TEX11: variants seen among roughly 807,000 people sequenced by gnomAD.
The protein encoded by TEX11 is testis expressed 11, also known as testis-expressed protein 11.
TEX11 carries 7 observed loss-of-function variants against 84.4 expected under a neutral mutation model. The ratio of observed to expected loss-of-function variants is 0.08; its 90% CI spans 0.05 to 0.16. The LOEUF is 0.16. Ranked by LOEUF, TEX11 falls within the 10% of genes least tolerant of loss-of-function variation. The probability of loss-of-function intolerance (pLI) is 1.00; values close to 1 mark genes in which losing one functional copy is unlikely to be tolerated. For synonymous variants in TEX11, 264 were observed against 222.8 expected, an observed-to-expected ratio of 1.18 and a Z score of -1.64; for missense variants, 551 against 660.5, an observed-to-expected ratio of 0.83 and a Z score of 1.82.
intron 11 of TEX11, among the ~76,000 whole-genome samples, chrX:70,726,685 C>A (rs1252162253): frequency 9.1e-6 from 1 of 110,204 alleles, no homozygotes; most frequent in Non-Finnish European, 1.9e-5. Flanking sequence ...TACACTCTAC[C>A]ACATCTGGCT....
chrX:70,694,154 C>A (rs891193490), intron 13 of TEX11, among the ~76,000 whole-genome samples: 18 of 111,022 alleles, frequency 1.6e-4, no homozygotes, highest in African/African-American at 5.6e-4. Flanking sequence ...AAGTGATTCT[C>A]CTGCCTCAGC....
chrX:70,908,478 C>T (rs980533566), intron 1 of TEX11, among the ~76,000 whole-genome samples, 176 bp downstream of exon 1: 1 of 112,511 alleles, frequency 8.9e-6, no homozygotes, highest in Non-Finnish European at 1.9e-5. Context: ...TTACATTTGC[C>T]CATCTTCGTT....
At chrX:70,841,039 T>G (rs1156575060) in intron 7 of TEX11, among the ~76,000 whole-genome samples, 1 of 111,103 alleles carries the variant, frequency 9.0e-6, no homozygotes, top group Admixed American at 9.6e-5. Flanking sequence ...TGGGAGACTT[T>G]AACACCCCAC....
At chrX:70,719,709 G>A (rs1196287255) in intron 13 of TEX11, among the ~76,000 whole-genome samples, 1 of 112,104 alleles carries the variant, frequency 8.9e-6, no homozygotes, top group African/African-American at 3.2e-5. Flanking sequence ...AGTGGGCAAA[G>A]GATATGAACA....
intron 20 of TEX11, among the ~76,000 whole-genome samples, chrX:70,616,927 G>T (rs191785693): frequency 3.6e-5 from 4 of 111,338 alleles, no homozygotes; most frequent in African/African-American, 1.3e-4. Flanking sequence ...TGGGTACAAA[G>T]AAATAGTTAG....
intron 28 of TEX11, among the ~76,000 whole-genome samples, chrX:70,548,623 G>A (rs1482335994): frequency 9.0e-6 from 1 of 110,656 alleles, no homozygotes; most frequent in South Asian, 4.0e-4. Context: ...CAGTGATTGT[G>A]GGATCTTGCT....
chrX:70,632,222 G>A (rs1188541772), intron 17 of TEX11, among the ~76,000 whole-genome samples: 2 of 110,848 alleles, frequency 1.8e-5, no homozygotes, highest in Non-Finnish European at 3.8e-5. Context: ...AGATAGACCA[G>A]AATAAAGGTC....
chrX:70,552,257 A>G lies in TEX11; in HGVS notation c.2400-11T>C. 1 of 1,202,256 alleles carries G rather than the reference A, an allele frequency of 8.3e-7. No individual in the cohort carries two copies. The highest frequency in any genetic ancestry group is 1.1e-6 in the Non-Finnish European group (1 of 892,685). ...TTGTGCATACATTTGCTGAAAATCA[A>G]AAAGAGAAAACTCATCCCATAAGGA... On this transcript the variant is annotated splice_polypyrimidine_tract_variant and intron_variant, in intron 27 of 29. Transcript: ENST00000374333.
rs753607851 is a variant in TEX11 at position 70,794,942 on chromosome X, A to C, written c.692+11763T>G. Among the ~76,000 whole-genome samples the C allele has an allele frequency of 4.7e-5, 5 of 107,285 alleles. No homozygotes were observed. The South Asian group carries it at 1.7e-3, about 37-fold the overall frequency. 93.2% of individuals were successfully genotyped at this position (107,285 alleles called of 115,157 possible). A position where few individuals can be genotyped will look rare whatever the true frequency, so the allele number is the denominator to read the frequency against. ...TGGGGAGAGTCTCCTTCTGCTTGAC[A>C]AAAAAAAGGGGAAGATGAAAGGGGA... On this transcript the variant is annotated intron_variant, in intron 9 of 29. Transcript: ENST00000374333.
chrX:70,520,842 G>T, the TEX11 span, among the ~76,000 whole-genome samples: 1 of 111,697 alleles, frequency 9.0e-6, no homozygotes, highest in Non-Finnish European at 1.9e-5. Flanking sequence ...CCTCTGCAAT[G>T]GTGGATGACC....
chrX:70,617,380 T>C (rs2089331092), intron 20 of TEX11, among the ~76,000 whole-genome samples: 1 of 106,506 alleles, frequency 9.4e-6, no homozygotes, highest in Non-Finnish European at 1.9e-5. Context: ...ATATATATCA[T>C]TATATATTAT....
At chrX:70,671,910 T>TATATATATATATATATATATATAG (rs57166359) in intron 15 of TEX11, among the ~76,000 whole-genome samples, 1 of 67,973 alleles carries the variant, frequency 1.5e-5, no homozygotes, top group Non-Finnish European at 2.8e-5. Flanking sequence ...TATATATATA[T>TATATATATATATATATATATATAG]ACACACACAC....
At chrX:70,565,656 A>T (rs1180790974) in intron 25 of TEX11, among the ~76,000 whole-genome samples, 1 of 110,080 alleles carries the variant, frequency 9.1e-6, no homozygotes, top group Non-Finnish European at 1.9e-5. Flanking sequence ...TTTATTAAAT[A>T]GGGAATCCTT....
intron 9 of TEX11, among the ~76,000 whole-genome samples, chrX:70,806,406 A>C (rs1221964347): frequency 9.1e-6 from 1 of 109,733 alleles, no homozygotes; most frequent in Non-Finnish European, 1.9e-5. Flanking sequence ...CAGTGAGCAG[A>C]GATCATGCCA....
chrX:70,578,924 C>T (rs185087593), intron 25 of TEX11, among the ~76,000 whole-genome samples: 2 of 107,481 alleles, frequency 1.9e-5, no homozygotes, highest in African/African-American at 6.8e-5. Context: ...GCGCCCACCA[C>T]CACACCCAGC....
chrX:70,667,328 C>T (rs1471180698), intron 16 of TEX11, among the ~76,000 whole-genome samples: 1 of 111,708 alleles, frequency 9.0e-6, no homozygotes, highest in Non-Finnish European at 1.9e-5. Context: ...TATAATATAA[C>T]ATAATACTTA....
At chrX:70,534,150 G>A (rs1258291976) in intron 28 of TEX11, among the ~76,000 whole-genome samples, 2 of 105,245 alleles carry the variant, frequency 1.9e-5, no homozygotes, top group African/African-American at 7.0e-5. Flanking sequence ...GGCAAAGAAA[G>A]GAAGGAAGAA....
chrX:70,865,759 T>C (rs1002816188), intron 4 of TEX11, among the ~76,000 whole-genome samples: 1 of 111,864 alleles, frequency 8.9e-6, no homozygotes, highest in Non-Finnish European at 1.9e-5. Flanking sequence ...CACAACTACA[T>C]GGAAATTGAA....
rs2091847638 is a variant in TEX11 at position 70,908,660 on chromosome X, C to T, written c.-28G>A. On this transcript the variant is annotated 5_prime_UTR_variant, in exon 1 of 30. Coordinates refer to ENST00000374333, the MANE Select transcript of TEX11 (RefSeq NM_031276.3). ...TGCCCACTAAACCACTCACCTCAGC[C>T]GCAGCCACCAATGCCGCCCTGCTCT... 1 of 111,803 alleles carries T rather than the reference C, an allele frequency of 8.9e-6. No individual in the cohort carries two copies. The highest frequency in any genetic ancestry group is 3.3e-5 in the African/African-American group (1 of 30,649). The allele number at this position is 111,803 out of a possible 1,213,427, so 9.2% of individuals were successfully genotyped here. A position where few individuals can be genotyped will look rare whatever the true frequency, so the allele number is the denominator to read the frequency against.
Sources: gnomAD v4.1 joint callset for allele counts (sites outside exome capture counted in the v4.1 genomes callset) on GRCh38, gnomAD v4.1.1 for gene constraint, MANE v1.5 for transcripts, NCBI Gene and HGNC (gene_info 2026-07-23, HGNC 2026-07-21) for gene names.